Variants in TICRR observed in about 807,000 individuals in gnomAD.
The protein encoded by TICRR is TOPBP1 interacting checkpoint and replication regulator.
Under a neutral mutation model 178.1 loss-of-function variants are expected in TICRR, and 132 were observed. The ratio of observed to expected loss-of-function variants is 0.74; its 90% CI spans 0.64 to 0.86. The LOEUF is 0.86. TICRR is among the 40% of genes least tolerant of loss of function. The pLI is 0.00. For missense variants in TICRR, 2,587 were observed against 2,334.3 expected, an observed-to-expected ratio of 1.11 and a Z score of -2.23; for synonymous variants, 991 against 900.7, an observed-to-expected ratio of 1.10 and a Z score of -1.79.
At chr15:89,593,316 G>C (rs1267203972) in intron 5 of TICRR, among the ~76,000 whole-genome samples, 1 of 152,110 alleles carries the variant, frequency 6.6e-6, no homozygotes, top group Non-Finnish European at 1.5e-5. Context: ...AGTTTTTAAT[G>C]TACAAATGTG....
chr15:89,589,396 G>A (rs572176164), intron 4 of TICRR, among the ~76,000 whole-genome samples: 6 of 152,258 alleles, frequency 3.9e-5, no homozygotes, highest in African/African-American at 1.2e-4. Flanking sequence ...ATCTAACTCC[G>A]AGGGCCTAGG....
Position 89,625,162 on chromosome 15 carries a change from G to T in TICRR, c.4852G>T (p.Glu1618Ter). ...GGCCAGCAGGTCCTTAAGCAAACCT[G>T]AACCCACCTATGTGTCACCCCCCTG... ...PRASRSLSKPEPTYVSPPCPR... is the reference protein window; with the variant it reads ...PRASRSLSKP The change falls in exon 20 of 22, where the codon GAA becomes TAA. Residue 1618 changes from glutamate to a stop codon, truncating the protein, a stop_gained. Coordinates refer to ENST00000268138, the MANE Select transcript of TICRR (RefSeq NM_152259.4). LOFTEE classifies it high-confidence loss of function. 3 of 1,613,760 alleles carry T rather than the reference G, an allele frequency of 1.9e-6. No homozygotes were observed. Among genetic ancestry groups the T allele is most frequent in the Non-Finnish European group, 2.5e-6 (3 of 1,179,970 alleles).
chr15:89,617,151 T>A (rs985070968), intron 16 of TICRR, among the ~76,000 whole-genome samples: 2 of 152,166 alleles, frequency 1.3e-5, no homozygotes, highest in Non-Finnish European at 2.9e-5. Context: ...CTCCTGCTCA[T>A]TGTATAGATA....
intron 15 of TICRR, among the ~76,000 whole-genome samples, chr15:89,612,376 C>T (rs1227399029): frequency 1.3e-5 from 2 of 152,086 alleles, no homozygotes; most frequent in East Asian, 3.9e-4. Context: ...AGAGCTGAAA[C>T]CAAGGCAGTG....
At chr15:89,593,423 G>C (rs933447360) in intron 5 of TICRR, among the ~76,000 whole-genome samples, 1 of 152,136 alleles carries the variant, frequency 6.6e-6, no homozygotes, top group Non-Finnish European at 1.5e-5. Flanking sequence ...AGAAAATCCA[G>C]GCCCGGCATG....
chr15:89,623,168 A>G (rs1963453678), intron 19 of TICRR, among the ~76,000 whole-genome samples: 2 of 152,210 alleles, frequency 1.3e-5, no homozygotes, highest in Admixed American at 6.5e-5. Context: ...TGTGTATTCC[A>G]TGCCCCCAAC....
rs1596047899 is a variant in TICRR at position 89,600,592 on chromosome 15, G to T, written c.2060G>T (p.Cys687Phe). Residue 687 changes from cysteine (C) to phenylalanine (F), a missense_variant, in exon 9 of 22, where the codon TGC becomes TTC. Coordinates refer to ENST00000268138, the MANE Select transcript of TICRR (RefSeq NM_152259.4). ...ATAATTTTGTATTTTTAGGTGAACTGCCTGAATCAAGTAAAAAGTAGTCTC... is the reference window on the plus strand; with the variant it reads ...ATAATTTTGTATTTTTAGGTGAACTTCCTGAATCAAGTAAAAAGTAGTCTC... ...SKGTKELEVN[C>F]LNQVKSSLLK... 1 of 1,550,552 alleles carries T rather than the reference G, an allele frequency of 6.4e-7. No individual in the cohort carries two copies. Among genetic ancestry groups the T allele is most frequent in the East Asian group, 2.3e-5 (1 of 43,990 alleles).
In TICRR at chr15:89,594,521, A is replaced by G; in HGVS notation, c.1648A>G (p.Thr550Ala). ...CCAGAGAAAATCTCGTGAAGAATCC[A>G]CTATAGCTCATCAAGAAGACAGCAA... ...LYQRKSREESTIAHQEDSKKK... is the reference protein window; with the variant it reads ...LYQRKSREESAIAHQEDSKKK... The change falls in exon 6 of 22, where the codon ACT becomes GCT. Residue 550 changes from threonine to alanine, a missense_variant. Physicochemically the swap from Thr to Ala is moderately conservative, Grantham distance 58. Coordinates refer to ENST00000268138, the MANE Select transcript of TICRR (RefSeq NM_152259.4). The G allele has an allele frequency of 1.2e-6, 2 of 1,608,596 alleles. No individual in the cohort carries two copies. Among genetic ancestry groups the G allele is most frequent in the Non-Finnish European group, 1.7e-6 (2 of 1,177,300 alleles).
chr15:89,599,480 G>C lies in TICRR; in HGVS notation c.2052+5G>C, dbSNP rs774591161. 6.2e-7 allele frequency: 1 copy of C among 1,610,956 alleles called. No individual in the cohort carries two copies. The highest frequency in any genetic ancestry group is 8.5e-7 in the Non-Finnish European group (1 of 1,179,202). On this transcript the variant is annotated splice_donor_5th_base_variant and intron_variant, in intron 8 of 21. Coordinates refer to ENST00000268138, the MANE Select transcript of TICRR (RefSeq NM_152259.4). ...AAAGGCACCAAGGAATTAGAAGTAA[G>C]AGGGTCCAGATATTGTTGTTTGTCA...
In TICRR at chr15:89,625,788, T is replaced by C; in HGVS notation, c.5476+2T>C. 2 of 1,593,090 alleles carry C rather than the reference T, an allele frequency of 1.3e-6. No homozygotes were observed. The highest frequency in any genetic ancestry group is 1.7e-6 in the Non-Finnish European group (2 of 1,168,518). ...GAGACGAAGAGGTGTTTGTTTCCGG[T>C]GAGTTCGTTTTTGAAACCCAGTTTC... is the stretch of plus-strand genomic sequence containing the variant. On this transcript the variant is annotated splice_donor_variant, in intron 20 of 21. Transcript: ENST00000268138. LOFTEE classifies it high-confidence loss of function.
At chr15:89,579,222 T>G (rs1467171587) in intron 1 of TICRR, among the ~76,000 whole-genome samples, 3 of 152,226 alleles carry the variant, frequency 2.0e-5, no homozygotes, top group Non-Finnish European at 4.4e-5. Flanking sequence ...TTGGAGCTTA[T>G]AGTCTAGTGG....
Position 89,584,274 on chromosome 15 carries a change from C to T in TICRR, c.935-12C>T. The T allele has an allele frequency of 1.3e-6, 2 of 1,585,026 alleles. No homozygotes were observed. Among genetic ancestry groups the T allele is most frequent in the Non-Finnish European group, 1.7e-6 (2 of 1,166,874 alleles). On this transcript the variant is annotated splice_polypyrimidine_tract_variant and intron_variant, in intron 2 of 21. Transcript: ENST00000268138. The stretch of plus-strand genomic sequence containing the variant: ...AATTTGGCATCCTGGTCTAATTAAT[C>T]TTTATTTCTAGCAGGCAAAGAGATT...
intron 1 of TICRR, among the ~76,000 whole-genome samples, chr15:89,581,373 C>T (rs1267301342): frequency 2.0e-5 from 3 of 152,156 alleles, no homozygotes; most frequent in Non-Finnish European, 4.4e-5. Flanking sequence ...CACCCCCCGC[C>T]CCACTTCGAG....
intron 17 of TICRR, among the ~76,000 whole-genome samples, chr15:89,618,761 C>A (rs1234712206): frequency 6.6e-6 from 1 of 152,098 alleles, no homozygotes; most frequent in Admixed American, 6.6e-5. Context: ...AGTTTGACAC[C>A]ATCTTAGGCA....
At chr15:89,618,011 C>T (rs774312397) in intron 16 of TICRR, 141 bp from the exon 17 acceptor site, 36 of 842,268 alleles carry the variant, frequency 4.3e-5, no homozygotes, top group Non-Finnish European at 6.0e-5. Flanking sequence ...ACAATAATCA[C>T]GTATGAGAGC....
At chr15:89,590,338 C>T (rs758734575) in intron 4 of TICRR, among the ~76,000 whole-genome samples, 9 of 152,274 alleles carry the variant, frequency 5.9e-5, no homozygotes, top group Non-Finnish European at 8.8e-5. Context: ...ACCAAAGCAA[C>T]GTAATATTTT....
Position 89,627,561 on chromosome 15 carries a change from C to A in TICRR, c.*475C>A, listed in dbSNP as rs564842729. ...ATTGGGCAGTGGAAGCTATTTTTTG[C>A]CTTCCCTGTGTAACAGTAAAATCAT... On this transcript the variant is annotated 3_prime_UTR_variant, in exon 22 of 22. Transcript: ENST00000268138. 9.5e-5 allele frequency: 15 copies of A among 157,288 alleles called. No homozygotes were observed. The South Asian group carries it at 3.0e-3, about 31-fold the overall frequency. The allele number at this position is 157,288 out of a possible 1,614,324, so 9.7% of individuals were successfully genotyped here.
At position 89,619,589 on chromosome 15, in the gene TICRR, C is replaced by A. The variant is rs150440121; in HGVS notation, c.3020-119C>A. 5.8e-5 allele frequency: 62 copies of A among 1,060,138 alleles called. No homozygotes were observed. The African/African-American group carries it at 8.3e-4, about 14-fold the overall frequency. The allele number at this position is 1,060,138 out of a possible 1,614,324, so 65.7% of individuals were successfully genotyped here. On this transcript the variant is annotated intron_variant, in intron 17 of 21. Coordinates refer to ENST00000268138, the MANE Select transcript of TICRR (RefSeq NM_152259.4). ...TTCAGAAGTCTCTTAAAGCTAATAG[C>A]TTGCTGAATTTCCATCTTATATGTG... is the stretch of plus-strand genomic sequence containing the variant.
chr15:89,584,668 G>C (rs1289876086), intron 3 of TICRR, 141 bp downstream of exon 3: 2 of 838,316 alleles, frequency 2.4e-6, no homozygotes, highest in Non-Finnish European at 1.7e-6. Flanking sequence ...TGACATTATA[G>C]TATCATGACA....
Sources: gnomAD v4.1 joint callset for allele counts (sites outside exome capture counted in the v4.1 genomes callset) on GRCh38, gnomAD v4.1.1 for gene constraint, MANE v1.5 for transcripts, NCBI Gene and HGNC (gene_info 2026-07-23, HGNC 2026-07-21) for gene names.